The following GALNT13 variants were observed in gnomAD, a reference collection of about 807,000 sequenced individuals.
GALNT13 encodes polypeptide N-acetylgalactosaminyltransferase 13.
Under a neutral mutation model 64.2 loss-of-function variants are expected in GALNT13, and 28 were observed. The observed-to-expected ratio is 0.44, with a 90% CI of 0.32 to 0.60. The LOEUF is 0.60. Among genes scored for constraint, GALNT13 ranks in the 20% least tolerant of loss-of-function variants. The pLI is 0.05. For missense variants in GALNT13, 577 were observed against 669.8 expected, an observed-to-expected ratio of 0.86 and a Z score of 1.53; for synonymous variants, 214 against 224.6, an observed-to-expected ratio of 0.95 and a Z score of 0.42.
intron 10 of GALNT13, among the ~76,000 whole-genome samples, chr2:154,401,035 C>G (rs930681827): frequency 3.9e-5 from 6 of 152,230 alleles, no homozygotes; most frequent in Middle Eastern, 3.4e-3. Context: ...TTAAAATTTG[C>G]ATTTGCATGT....
the GALNT13 span, among the ~76,000 whole-genome samples, chr2:153,618,298 A>C: frequency 6.6e-6 from 1 of 151,920 alleles, no homozygotes; most frequent in African/African-American, 2.4e-5. Flanking sequence ...ACTCAGAAGC[A>C]TATGGTCTAA....
the GALNT13 span, among the ~76,000 whole-genome samples, chr2:153,672,325 A>T: frequency 6.6e-6 from 1 of 152,214 alleles, no homozygotes; most frequent in African/African-American, 2.4e-5. Context: ...CAGCAAATGT[A>T]AAAGAACAGA....
chr2:153,776,013 T>C, the GALNT13 span, among the ~76,000 whole-genome samples: 168 of 152,282 alleles, frequency 1.1e-3, 6 homozygotes, highest in East Asian at 0.023. Context: ...GACCTTCTCA[T>C]TGCAAATCCG....
chr2:153,342,600 A>G, the GALNT13 span, among the ~76,000 whole-genome samples: 1 of 152,184 alleles, frequency 6.6e-6, no homozygotes. Flanking sequence ...ACACGTTACA[A>G]AGATATGGGG....
chr2:154,068,533 TAAAAA>T (rs70981701), intron 3 of GALNT13, among the ~76,000 whole-genome samples: 3 of 151,460 alleles, frequency 2.0e-5, no homozygotes, highest in Non-Finnish European at 1.5e-5. Context: ...TATTCATCCA[TAAAAA>T]AAAGAGTGAG....
chr2:153,271,224 C>T, the GALNT13 span, among the ~76,000 whole-genome samples: 1 of 152,180 alleles, frequency 6.6e-6, no homozygotes, highest in African/African-American at 2.4e-5. Context: ...CAAAGATGCC[C>T]TCTCTCAACA....
intron 3 of GALNT13, among the ~76,000 whole-genome samples, chr2:153,955,004 A>T: frequency 6.6e-6 from 1 of 151,996 alleles, no homozygotes; most frequent in East Asian, 1.9e-4. Context: ...AAAAAAAAAA[A>T]GTCTTATTTA....
the GALNT13 span, among the ~76,000 whole-genome samples, chr2:153,816,303 A>C: frequency 6.6e-6 from 1 of 152,146 alleles, no homozygotes; most frequent in Non-Finnish European, 1.5e-5. Context: ...GTGTGGGTGG[A>C]GTATTCAGCT....
At chr2:154,123,708 T>C (rs1019900696) in intron 3 of GALNT13, among the ~76,000 whole-genome samples, 12 of 152,002 alleles carry the variant, frequency 7.9e-5, no homozygotes, top group African/African-American at 2.7e-4. Context: ...AAAATGACTA[T>C]TGATACTCTC....
chr2:153,478,489 G>A, the GALNT13 span: 261 of 1,612,122 alleles, frequency 1.6e-4, 1 homozygote, highest in South Asian at 9.5e-4. Context: ...GCAGCGCACG[G>A]CTCGCTCCAG....
the GALNT13 span, among the ~76,000 whole-genome samples, chr2:153,806,078 T>A: frequency 6.6e-6 from 1 of 152,068 alleles, no homozygotes; most frequent in Non-Finnish European, 1.5e-5. Flanking sequence ...GCATCTGACA[T>A]CCAGGTAGTC....
the GALNT13 span, among the ~76,000 whole-genome samples, chr2:153,358,185 G>A: frequency 6.6e-6 from 1 of 152,120 alleles, no homozygotes. Flanking sequence ...GCTACCTAAA[G>A]TCTAGTGTTA....
At chr2:154,338,750 G>A (rs1430136943) in intron 9 of GALNT13, among the ~76,000 whole-genome samples, 2 of 152,052 alleles carry the variant, frequency 1.3e-5, no homozygotes, top group African/African-American at 4.8e-5. Context: ...GGAAATTTAG[G>A]TCTGGTGGAT....
the GALNT13 span, among the ~76,000 whole-genome samples, chr2:153,681,507 C>T: frequency 5.3e-5 from 8 of 151,678 alleles, no homozygotes; most frequent in Admixed American, 1.3e-4. Context: ...GTTTATCTCC[C>T]CACTCTCTAT....
chr2:153,765,764 A>T, the GALNT13 span, among the ~76,000 whole-genome samples: 63,591 of 152,002 alleles, frequency 0.42, 14,351 homozygotes, highest in African/African-American at 0.58. Context: ...TAATCCCCTC[A>T]TGTCCAGGGT....
At chr2:153,309,993 A>G in the GALNT13 span, among the ~76,000 whole-genome samples, 2 of 152,126 alleles carry the variant, frequency 1.3e-5, no homozygotes, top group Non-Finnish European at 2.9e-5. Flanking sequence ...CATGGTCTAT[A>G]CTCATAAGCC....
the GALNT13 span, among the ~76,000 whole-genome samples, chr2:153,433,180 A>C: frequency 1.3e-5 from 2 of 152,204 alleles, no homozygotes; most frequent in African/African-American, 4.8e-5. Context: ...TTGTAAAAAT[A>C]AAAAGTCTCA....
At chr2:153,111,085 G>C in the GALNT13 span, among the ~76,000 whole-genome samples, 1 of 151,934 alleles carries the variant, frequency 6.6e-6, no homozygotes, top group Non-Finnish European at 1.5e-5. Context: ...TTCGTAAATG[G>C]CACAAACTAT....
chr2:153,253,475 A>G, the GALNT13 span, among the ~76,000 whole-genome samples: 7 of 142,174 alleles, frequency 4.9e-5, no homozygotes, highest in African/African-American at 1.9e-4. Context: ...TCTGCTGCCT[A>G]ATTGCCCTGG....
Sources: gnomAD v4.1 joint callset for allele counts (sites outside exome capture counted in the v4.1 genomes callset) on GRCh38, gnomAD v4.1.1 for gene constraint, MANE v1.5 for transcripts, NCBI Gene and HGNC (gene_info 2026-07-23, HGNC 2026-07-21) for gene names.